Variants in PIEZO2 observed in about 807,000 individuals in gnomAD.
PIEZO2 encodes piezo-type mechanosensitive ion channel component 2.
In PIEZO2, 172 loss-of-function variants were observed where a neutral mutation model predicts 337.3. That is an observed-to-expected ratio of 0.51 (90% CI 0.45 to 0.58). The LOEUF (loss-of-function observed/expected upper bound fraction) is 0.58, where lower values mean the gene tolerates loss of function less well. PIEZO2 is among the 20% of genes least tolerant of loss of function. The pLI is 0.00. For synonymous variants in PIEZO2, 1,251 were observed against 1,228.5 expected (o/e 1.02, Z -0.38); for missense variants, 3,028 against 3,391.3 (o/e 0.89, Z 2.66).
rs2040625706 is a variant in PIEZO2 at position 10,824,998 on chromosome 18, G to A, written c.918-17724C>T. On this transcript the variant is annotated intron_variant, in intron 7 of 55. Transcript: ENST00000674853. This position sits in a 1 kb window ranked among gnomAD's most constrained non-coding sequence, Gnocchi z 4.4. Reference sequence around the variant, plus strand: ...CCTGCCTCAGCCTCCCGAGTAGCTGGGACTACAGGAACCCGCCACCATGCC... The same window carrying A: ...CCTGCCTCAGCCTCCCGAGTAGCTGAGACTACAGGAACCCGCCACCATGCC... 6.6e-6 allele frequency among the ~76,000 whole-genome samples: 1 copy of A among 152,010 alleles called. No individual in the cohort carries two copies. The highest frequency in any genetic ancestry group is 2.1e-4 in the South Asian group (1 of 4,812).
chr18:11,043,128 T>C (rs1223002216), intron 2 of PIEZO2, among the ~76,000 whole-genome samples: 3 of 152,120 alleles, frequency 2.0e-5, no homozygotes, highest in Non-Finnish European at 4.4e-5. Flanking sequence ...GTAGAGTAGA[T>C]CAACTTTTGC....
At position 11,031,213 on chromosome 18, in the gene PIEZO2, A is replaced by G. The variant is rs1203158660; in HGVS notation, c.160+34914T>C. 2.0e-5 allele frequency among the ~76,000 whole-genome samples: 3 copies of G among 149,436 alleles called. No individual in the cohort carries two copies. Among genetic ancestry groups the G allele is most frequent in the Admixed American group, 6.7e-5 (1 of 14,994 alleles). ...ATGGGATTTCACCGTGTTAGCCAGG[A>G]TGGTCTCAATCTCCTGACCTCGTGA... On this transcript the variant is annotated intron_variant, in intron 2 of 55. Transcript: ENST00000674853. The surrounding 1 kb of genome is among the most constrained non-coding windows in gnomAD (Gnocchi z 4.7).
rs150306304 is a variant in PIEZO2, at chr18:11,038,580, G to A, written c.160+27547C>T. On this transcript the variant is annotated intron_variant, in intron 2 of 55. Coordinates refer to ENST00000674853, the MANE Select transcript of PIEZO2 (RefSeq NM_001378183.1). This position sits in a 1 kb window ranked among gnomAD's most constrained non-coding sequence, Gnocchi z 4.1. ...TGAAGACTGAATGTATCTATGACCTGTGAACACCCCACAGTGCAGCTGAGG... is the reference window on the plus strand; with the variant it reads ...TGAAGACTGAATGTATCTATGACCTATGAACACCCCACAGTGCAGCTGAGG... Among the ~76,000 whole-genome samples the A allele has an allele frequency of 6.3e-3, 960 of 152,244 alleles. 9 individuals carry two copies. Among genetic ancestry groups the A allele is most frequent in the African/African-American group, 0.022 (918 of 41,544 alleles).
intron 1 of PIEZO2, among the ~76,000 whole-genome samples, chr18:11,133,476 T>TG (rs1390622654): frequency 2.0e-5 from 3 of 152,172 alleles, no homozygotes; most frequent in African/African-American, 7.2e-5. Context: ...TGTGTCTGTG[T>TG]GGGTGTTGCC....
Position 11,001,246 on chromosome 18 carries a change from T to G in PIEZO2, c.161-21586A>C, listed in dbSNP as rs1255877190. Among the ~76,000 whole-genome samples the G allele has an allele frequency of 2.0e-5, 3 of 152,084 alleles. No homozygotes were observed. Among genetic ancestry groups the G allele is most frequent in the African/African-American group, 4.8e-5 (2 of 41,422 alleles). Reference sequence around the variant, plus strand: ...TATGGTCTCCAGCTCAGAAGGTACTTTATGGCTTATGGTGGATTTTTATGC... The same window carrying G: ...TATGGTCTCCAGCTCAGAAGGTACTGTATGGCTTATGGTGGATTTTTATGC... On this transcript the variant is annotated intron_variant, in intron 2 of 55. Coordinates refer to ENST00000674853, the MANE Select transcript of PIEZO2 (RefSeq NM_001378183.1). This position sits in a 1 kb window ranked among gnomAD's most constrained non-coding sequence, Gnocchi z 5.3.
chr18:11,065,283 T>C (rs1427452762), intron 2 of PIEZO2, among the ~76,000 whole-genome samples: 1 of 152,216 alleles, frequency 6.6e-6, no homozygotes, highest in African/African-American at 2.4e-5. Context: ...CACCACTCCA[T>C]AGATGGGGTC....
chr18:11,024,064 C>T (rs917169998), intron 2 of PIEZO2, among the ~76,000 whole-genome samples: 28 of 152,308 alleles, frequency 1.8e-4, no homozygotes, highest in Admixed American at 1.4e-3. Context: ...GAGCTGGCTC[C>T]GGCCTTGGCC....
intron 2 of PIEZO2, among the ~76,000 whole-genome samples, chr18:11,052,948 T>C (rs1256541563): frequency 7.2e-6 from 1 of 139,440 alleles, no homozygotes; most frequent in Non-Finnish European, 1.5e-5. Flanking sequence ...GGTTTCCTTC[T>C]TTCTTTGCAA....
chr18:10,726,537 C>G lies in PIEZO2; in HGVS notation c.5029+4870G>C, dbSNP rs1044318660. The G allele has an allele frequency of 2.5e-5, 36 of 1,438,782 alleles. No individual in the cohort carries two copies. Among genetic ancestry groups the G allele is most frequent in the Non-Finnish European group, 3.1e-5 (34 of 1,087,552 alleles). The allele number at this position is 1,438,782 out of a possible 1,614,324, so 89.1% of individuals were successfully genotyped here. ...CTGTGGCGCGCTGCGCTGCTCTGCT[C>G]TGCTACACCAGCCGCCACGCTGTGC... is the stretch of plus-strand genomic sequence containing the variant. On this transcript the variant is annotated intron_variant, in intron 36 of 55. Transcript: ENST00000674853. The surrounding 1 kb of genome is among the most constrained non-coding windows in gnomAD (Gnocchi z 5.9).
chr18:11,120,229 T>C (rs2039992755), intron 1 of PIEZO2, among the ~76,000 whole-genome samples: 1 of 152,222 alleles, frequency 6.6e-6, no homozygotes, highest in Non-Finnish European at 1.5e-5. Context: ...TCTCATCTGT[T>C]ACAAAGCACC....
In PIEZO2 at chr18:11,028,002, G is replaced by A. The variant is rs1030530986; in HGVS notation, c.160+38125C>T. On this transcript the variant is annotated intron_variant, in intron 2 of 55. Coordinates refer to ENST00000674853, the MANE Select transcript of PIEZO2 (RefSeq NM_001378183.1). The surrounding 1 kb of genome is among the most constrained non-coding windows in gnomAD (Gnocchi z 4.8). ...ACAGAACAGGAAGACCTGCTATTAT[G>A]ATTAGTGCAGGGTAACCTGCCAAGT... Among the ~76,000 whole-genome samples, 8 of 152,188 alleles carry A rather than the reference G, an allele frequency of 5.3e-5. No homozygotes were observed. Among genetic ancestry groups the A allele is most frequent in the Non-Finnish European group, 8.8e-5 (6 of 68,028 alleles).
intron 3 of PIEZO2, among the ~76,000 whole-genome samples, chr18:10,961,121 C>T (rs1230594438): frequency 6.6e-6 from 1 of 151,110 alleles, no homozygotes; most frequent in East Asian, 1.9e-4. Context: ...GCAGAGCTTG[C>T]AGTGAGCCAA....
rs749871185 is a variant in PIEZO2 at position 11,129,313 on chromosome 18, A to G, written c.64+19212T>C. Among the ~76,000 whole-genome samples, 4 of 152,256 alleles carry G rather than the reference A, an allele frequency of 2.6e-5. No individual in the cohort carries two copies. The highest frequency in any genetic ancestry group is 4.1e-4 in the South Asian group (2 of 4,836). The stretch of plus-strand genomic sequence containing the variant: ...CCCGAGGTGGCAGGGACCAAGTGGC[A>G]GCACTCAACTGTCAAAGGCAAGGTA... On this transcript the variant is annotated intron_variant, in intron 1 of 55. Transcript: ENST00000674853. This position sits in a 1 kb window ranked among gnomAD's most constrained non-coding sequence, Gnocchi z 4.6.
At chr18:10,998,542 A>T in intron 2 of PIEZO2, among the ~76,000 whole-genome samples, 1 of 152,252 alleles carries the variant, frequency 6.6e-6, no homozygotes, top group South Asian at 2.1e-4. Context: ...ATATGAGTAT[A>T]TTTAAATCTG....
At position 10,982,265 on chromosome 18, in the gene PIEZO2, A is replaced by G. The variant is rs2034696709; in HGVS notation, c.161-2605T>C. Among the ~76,000 whole-genome samples the G allele has an allele frequency of 6.6e-6, 1 of 152,202 alleles. No homozygotes were observed. The highest frequency in any genetic ancestry group is 1.5e-5 in the Non-Finnish European group (1 of 68,040). On this transcript the variant is annotated intron_variant, in intron 2 of 55. Coordinates refer to ENST00000674853, the MANE Select transcript of PIEZO2 (RefSeq NM_001378183.1). The surrounding 1 kb of genome is among the most constrained non-coding windows in gnomAD (Gnocchi z 4.1). ...ACTAATAAGATAGATGCATATATCA[A>G]AGGGAGTTTATTAAGGAGTATTGAC...
In PIEZO2 at chr18:10,783,731, G is replaced by T. The variant is rs2039113087; in HGVS notation, c.2492+1053C>A. Among the ~76,000 whole-genome samples the T allele has an allele frequency of 6.6e-6, 1 of 152,146 alleles. No individual in the cohort carries two copies. On this transcript the variant is annotated intron_variant, in intron 17 of 55. Coordinates refer to ENST00000674853, the MANE Select transcript of PIEZO2 (RefSeq NM_001378183.1). This position sits in a 1 kb window ranked among gnomAD's most constrained non-coding sequence, Gnocchi z 4.3. ...TTCCATGGGTTACGAGTCATCTGAA[G>T]TATCAGAATGATAGGCGAAACACAA...
chr18:10,836,158 G>A (rs991966257), intron 7 of PIEZO2, among the ~76,000 whole-genome samples: 6 of 152,032 alleles, frequency 3.9e-5, no homozygotes, highest in African/African-American at 7.2e-5. Flanking sequence ...TTATGCTCCA[G>A]GATCACTCCC....
chr18:10,889,291 T>C (rs748713509), intron 4 of PIEZO2, among the ~76,000 whole-genome samples: 1 of 152,158 alleles, frequency 6.6e-6, no homozygotes, highest in Admixed American at 6.6e-5. Flanking sequence ...ATAAGGAAAA[T>C]AGCAGCAACT....
rs2038706284 is a variant in PIEZO2 at position 11,080,676 on chromosome 18, T to A, written c.65-14454A>T. ...CTGGCCAACACGGTGAAACCCCGTCTCTACTAAAAATACAAAAATTAGCCG... is the reference window on the plus strand; with the variant it reads ...CTGGCCAACACGGTGAAACCCCGTCACTACTAAAAATACAAAAATTAGCCG... On this transcript the variant is annotated intron_variant, in intron 1 of 55. Coordinates refer to ENST00000674853, the MANE Select transcript of PIEZO2 (RefSeq NM_001378183.1). This position sits in a 1 kb window ranked among gnomAD's most constrained non-coding sequence, Gnocchi z 5.4. Among the ~76,000 whole-genome samples the A allele has an allele frequency of 6.6e-6, 1 of 152,116 alleles. No homozygotes were observed. Among genetic ancestry groups the A allele is most frequent in the African/African-American group, 2.4e-5 (1 of 41,414 alleles).
Sources: gnomAD v4.1 joint callset for allele counts (sites outside exome capture counted in the v4.1 genomes callset) on GRCh38, gnomAD v4.1.1 for gene constraint, Gnocchi (gnomAD v3.1) non-coding constraint, MANE v1.5 for transcripts, NCBI Gene and HGNC (gene_info 2026-07-23, HGNC 2026-07-21) for gene names.